GPC1: variants seen among roughly 807,000 people sequenced by gnomAD.
GPC1 encodes the protein glypican 1.
In GPC1, 26 loss-of-function variants were observed where a neutral mutation model predicts 51.5. That is an observed-to-expected ratio of 0.50 (90% CI 0.37 to 0.70). GPC1 has a LOEUF of 0.70. Ranked by LOEUF, GPC1 falls within the 30% of genes least tolerant of loss-of-function variation. The pLI is 0.00. For synonymous variants in GPC1, 380 were observed against 348.3 expected (o/e 1.09, Z -1.01); for missense variants, 775 against 800.5 (o/e 0.97, Z 0.38).
At chr2:240,464,809 C>T (rs1444396153) in intron 5 of GPC1, 47 bp from the exon 6 acceptor site, 3 of 1,566,792 alleles carry the variant, frequency 1.9e-6, no homozygotes. Context: ...CCCCATTGGG[C>T]TTGAGGGGCC....
At chr2:240,447,251 C>T (rs2074056295) in intron 1 of GPC1, among the ~76,000 whole-genome samples, 1 of 152,140 alleles carries the variant, frequency 6.6e-6, no homozygotes, top group East Asian at 1.9e-4. Context: ...GTTCCTCCCT[C>T]AAGCAGAGAT....
At chr2:240,463,219 C>A in intron 3 of GPC1, 128 bp from the exon 4 acceptor site, 1 of 737,684 alleles carries the variant, frequency 1.4e-6, no homozygotes, top group Non-Finnish European at 2.2e-6. Context: ...CCACCACGAG[C>A]TGGGGCAGAG....
intron 2 of GPC1, among the ~76,000 whole-genome samples, chr2:240,461,104 C>A (rs2074211289): frequency 6.6e-6 from 1 of 152,246 alleles, no homozygotes; most frequent in Admixed American, 6.5e-5. Flanking sequence ...GCATGAACCA[C>A]AAGCCGCCCC....
At chr2:240,436,505 C>T (rs889128444) in intron 1 of GPC1, among the ~76,000 whole-genome samples, 1 of 152,014 alleles carries the variant, frequency 6.6e-6, no homozygotes, top group African/African-American at 2.4e-5. Context: ...CTGTGGGGCT[C>T]GGCGTGGCCG....
intron 7 of GPC1, 101 bp from the exon 8 acceptor site, chr2:240,465,372 T>C: frequency 7.3e-7 from 1 of 1,365,428 alleles, no homozygotes; most frequent in South Asian, 1.3e-5. Context: ...TGGAAGCTGC[T>C]GGGCATCTCA....
chr2:240,452,986 C>T (rs765218931), intron 1 of GPC1: 2 of 353,308 alleles, frequency 5.7e-6, no homozygotes, highest in Non-Finnish European at 1.1e-5. Context: ...AGAGCCCGCG[C>T]GCCGCCCGGA....
At chr2:240,463,245 A>G (rs2074232169) in intron 3 of GPC1, 102 bp from the exon 4 acceptor site, 1 of 990,698 alleles carries the variant, frequency 1.0e-6, no homozygotes, top group Non-Finnish European at 1.5e-6. Flanking sequence ...GCCTCCCCTG[A>G]CTTCCCTCCA....
intron 1 of GPC1, 60 bp from the exon 2 acceptor site, chr2:240,458,970 G>T: frequency 1.3e-6 from 2 of 1,515,658 alleles, no homozygotes; most frequent in Admixed American, 1.7e-5. Flanking sequence ...GCCTGAGGGT[G>T]CCCTCCTGGC....
At chr2:240,464,192 T>G in intron 4 of GPC1, 2 of 241,514 alleles carry the variant, frequency 8.3e-6, no homozygotes, top group South Asian at 6.0e-5. Context: ...AACACACACA[T>G]GAACTAAGGT....
intron 1 of GPC1, among the ~76,000 whole-genome samples, chr2:240,436,610 T>C (rs937710619): frequency 6.6e-5 from 10 of 152,308 alleles, no homozygotes; most frequent in African/African-American, 2.4e-4. Context: ...GGGATTCTCG[T>C]AGGGTCTCCA....
intron 1 of GPC1, among the ~76,000 whole-genome samples, chr2:240,454,181 G>A (rs140520312): frequency 1.3e-5 from 2 of 152,318 alleles, no homozygotes; most frequent in South Asian, 2.1e-4. Flanking sequence ...GGTCCACCTC[G>A]CAGGTGGGGC....
At chr2:240,456,589 C>A (rs932080927) in intron 1 of GPC1, 2 of 470,574 alleles carry the variant, frequency 4.3e-6, no homozygotes, top group African/African-American at 4.0e-5. Flanking sequence ...CACTGCCCAG[C>A]CCATTACCAT....
At chr2:240,437,134 T>G (rs1434380519) in intron 1 of GPC1, among the ~76,000 whole-genome samples, 2 of 151,294 alleles carry the variant, frequency 1.3e-5, no homozygotes, top group African/African-American at 4.9e-5. Flanking sequence ...GGAGTGGGAG[T>G]GCGGGTGGAG....
chr2:240,444,172 C>T (rs533062787), intron 1 of GPC1, among the ~76,000 whole-genome samples: 9 of 152,318 alleles, frequency 5.9e-5, no homozygotes, highest in South Asian at 2.1e-4. Flanking sequence ...AGCCTCAGCC[C>T]AGCCCAGCCG....
intron 3 of GPC1, among the ~76,000 whole-genome samples, chr2:240,463,082 C>T (rs576655843): frequency 6.6e-6 from 1 of 152,274 alleles, no homozygotes; most frequent in East Asian, 1.9e-4. Flanking sequence ...CCTCCAGGCT[C>T]CTGGGCAAGT....
At chr2:240,447,694 G>A (rs1169243198) in intron 1 of GPC1, among the ~76,000 whole-genome samples, 1 of 152,238 alleles carries the variant, frequency 6.6e-6, no homozygotes, top group Non-Finnish European at 1.5e-5. Flanking sequence ...CACCGGCTGT[G>A]TGCCCCTGGC....
intron 1 of GPC1, among the ~76,000 whole-genome samples, chr2:240,444,179 G>T (rs2074035259): frequency 6.6e-6 from 1 of 152,214 alleles, no homozygotes; most frequent in Non-Finnish European, 1.5e-5. Context: ...GCCCAGCCCA[G>T]CCGCCACGCC....
In GPC1 at chr2:240,465,634, A is replaced by G. The variant is rs1319004238; in HGVS notation, c.1430A>G (p.Asp477Gly). The change falls in exon 8 of 9, where the codon GAC (aspartate) becomes GGC (glycine). Residue 477 changes from aspartate to glycine, a missense_variant. By Grantham distance (94) the Asp-to-Gly change is moderately conservative (BLOSUM62 -1). Coordinates refer to ENST00000264039, the MANE Select transcript of GPC1 (RefSeq NM_002081.3). ...LRSAYNGNDV[D>G]FQDASDDGSG... Reference sequence around the variant, plus strand: ...AGCGCCTACAACGGCAACGACGTGGACTTCCAGGACGCCAGTGAGGGCAGG... The same window carrying G: ...AGCGCCTACAACGGCAACGACGTGGGCTTCCAGGACGCCAGTGAGGGCAGG... 6.2e-7 allele frequency: 1 copy of G among 1,612,794 alleles called. No homozygotes were observed. Among genetic ancestry groups the G allele is most frequent in the Non-Finnish European group, 8.5e-7 (1 of 1,179,914 alleles).
Position 240,465,151 on chromosome 2 carries a change from G to T in GPC1, c.1209G>T (p.Glu403Asp), listed in dbSNP as rs1247763036. 6.2e-7 allele frequency: 1 copy of T among 1,612,542 alleles called. No homozygotes were observed. Among genetic ancestry groups the T allele is most frequent in the Admixed American group, 1.7e-5 (1 of 59,978 alleles). The change falls in exon 7 of 9, where the codon GAG becomes GAT. Residue 403 changes from glutamate to aspartate, a missense_variant. Transcript: ENST00000264039. ...WISLPGTLCS[E>D]KMALSTASDD... ...GCCTCCCAGGGACACTGTGCAGTGA[G>T]AAGATGGCCCTGAGCACTGCCAGTG...
Sources: gnomAD v4.1 joint callset for allele counts (sites outside exome capture counted in the v4.1 genomes callset) on GRCh38, gnomAD v4.1.1 for gene constraint, MANE v1.5 for transcripts, NCBI Gene and HGNC (gene_info 2026-07-23, HGNC 2026-07-21) for gene names.